Variants in RORA observed in about 807,000 individuals in gnomAD.
The protein encoded by RORA is RAR related orphan receptor A.
Under a neutral mutation model 69.5 loss-of-function variants are expected in RORA, and 7 were observed. The ratio of observed to expected loss-of-function variants is 0.10; its 90% CI spans 0.06 to 0.19. RORA has a LOEUF of 0.19. Among genes scored for constraint, RORA ranks in the 10% least tolerant of loss-of-function variants. The pLI is 1.00. For missense variants in RORA, 457 were observed against 663.0 expected, an observed-to-expected ratio of 0.69 and a Z score of 3.41; for synonymous variants, 261 against 240.8, an observed-to-expected ratio of 1.08 and a Z score of -0.78.
chr15:60,893,588 G>C (rs901990437), intron 1 of RORA, among the ~76,000 whole-genome samples: 1 of 151,964 alleles, frequency 6.6e-6, no homozygotes, highest in Non-Finnish European at 1.5e-5. Flanking sequence ...CGTTTGTCTG[G>C]GTGTGTGTGT....
intron 1 of RORA, among the ~76,000 whole-genome samples, chr15:60,958,337 A>C (rs1290496548): frequency 6.6e-6 from 1 of 152,204 alleles, no homozygotes. Context: ...TTAGGGATTT[A>C]GCAGGCTAAT....
chr15:60,588,029 G>A (rs975363229), intron 2 of RORA, among the ~76,000 whole-genome samples: 2 of 152,174 alleles, frequency 1.3e-5, no homozygotes, highest in Non-Finnish European at 2.9e-5. Flanking sequence ...AAAAGGTTGG[G>A]ATGGAAGGGA....
chr15:60,714,630 G>T (rs1316730972), intron 1 of RORA, among the ~76,000 whole-genome samples: 2 of 152,144 alleles, frequency 1.3e-5, no homozygotes, highest in Admixed American at 6.5e-5. Context: ...CTCCCAAAGT[G>T]CTGGGATTAC....
intron 2 of RORA, among the ~76,000 whole-genome samples, chr15:60,543,066 G>A (rs1050430410): frequency 4.0e-5 from 6 of 149,750 alleles, no homozygotes; most frequent in East Asian, 2.0e-4. Context: ...GAGAACCTGC[G>A]TGACTGGGCA....
chr15:60,900,871 C>A (rs1427525014), intron 1 of RORA, among the ~76,000 whole-genome samples: 3 of 150,580 alleles, frequency 2.0e-5, no homozygotes, highest in African/African-American at 4.9e-5. Flanking sequence ...GACTCCATCT[C>A]AAAAAAAATA....
rs901466926 is a variant in RORA at position 60,488,627 on chromosome 15, C to G, written c.*8828G>C. Reference sequence around the variant, plus strand: ...AGTTGGACGATCCTCTAATAAAGATCATTAGCAAAGTTTTAGTTCAATACT... The same window carrying G: ...AGTTGGACGATCCTCTAATAAAGATGATTAGCAAAGTTTTAGTTCAATACT... On this transcript the variant is annotated 3_prime_UTR_variant, in exon 11 of 11. Transcript: ENST00000335670. 6.6e-6 allele frequency: 1 copy of G among 152,096 alleles called. No individual in the cohort carries two copies. The highest frequency in any genetic ancestry group is 6.5e-5 in the Admixed American group (1 of 15,284). 9.4% of individuals were successfully genotyped at this position (152,096 alleles called of 1,614,324 possible).
chr15:60,990,153 T>C (rs918838986), intron 1 of RORA, among the ~76,000 whole-genome samples: 4 of 152,246 alleles, frequency 2.6e-5, no homozygotes, highest in African/African-American at 9.6e-5. Context: ...AGATCAAATA[T>C]AACTTTTATT....
At position 60,967,330 on chromosome 15, in the gene RORA, AT is replaced by A. The variant is rs1437742732; in HGVS notation, c.166+261722del. Among the ~76,000 whole-genome samples, 5 of 152,324 alleles carry A rather than the reference AT, an allele frequency of 3.3e-5. No homozygotes were observed. The South Asian group carries it at 6.2e-4, about 19-fold the overall frequency. ...ATGTGTTCTTTTTAGCCTCTACTTC[AT>A]TACCCCTACCCCCAAATATTACCAA... On this transcript the variant is annotated intron_variant, in intron 1 of 10. Coordinates refer to ENST00000335670, the MANE Select transcript of RORA (RefSeq NM_134261.3).
In RORA at chr15:61,189,866, A is replaced by AAAC. The variant is rs2079780216; in HGVS notation, c.166+39186_166+39187insGTT. On this transcript the variant is annotated intron_variant, in intron 1 of 10. Transcript: ENST00000335670. The stretch of plus-strand genomic sequence containing the variant: ...AGCGAGACTCTGTCTCAAAAAAAAA[A>AAAC]AAAAAAAAAAAAAAAACCACAGATA... Among the ~76,000 whole-genome samples, 4 of 148,836 alleles carry AAAC rather than the reference A, an allele frequency of 2.7e-5. 1 individual carries two copies. Among genetic ancestry groups the AAAC allele is most frequent in the Admixed American group, 1.3e-4 (2 of 14,978 alleles).
intron 1 of RORA, among the ~76,000 whole-genome samples, chr15:60,911,434 C>T (rs908134574): frequency 2.0e-5 from 3 of 152,078 alleles, no homozygotes; most frequent in Non-Finnish European, 2.9e-5. Flanking sequence ...ACTTTACTGG[C>T]GGACAAAATA....
At chr15:60,648,254 T>C (rs2070087650) in intron 2 of RORA, among the ~76,000 whole-genome samples, 1 of 152,206 alleles carries the variant, frequency 6.6e-6, no homozygotes, top group Non-Finnish European at 1.5e-5. Context: ...TATGAACATA[T>C]TAAAGAAGGT....
intron 1 of RORA, among the ~76,000 whole-genome samples, chr15:60,846,490 A>G (rs1160481806): frequency 6.6e-6 from 1 of 152,120 alleles, no homozygotes; most frequent in Non-Finnish European, 1.5e-5. Context: ...GAAACATTCC[A>G]CCCCTTTTTG....
intron 1 of RORA, among the ~76,000 whole-genome samples, chr15:61,040,142 AT>A (rs1896681456): frequency 5.0e-5 from 6 of 119,200 alleles, no homozygotes; most frequent in East Asian, 5.7e-4. Context: ...ATATATATAT[AT>A]ATATATATAT....
intron 1 of RORA, among the ~76,000 whole-genome samples, chr15:60,990,286 G>A (rs1230944926): frequency 6.6e-6 from 1 of 152,156 alleles, no homozygotes; most frequent in Non-Finnish European, 1.5e-5. Flanking sequence ...TTGAAATTAG[G>A]AAGGCTTTTG....
chr15:60,500,067 C>T, intron 9 of RORA, 63 bp from the exon 10 acceptor site: 1 of 1,030,808 alleles, frequency 9.7e-7, no homozygotes, highest in Non-Finnish European at 1.5e-6. Flanking sequence ...TCCTTCTTCT[C>T]CGGATTCTTT....
chr15:60,606,172 G>A (rs2068941044), intron 2 of RORA, among the ~76,000 whole-genome samples: 1 of 152,334 alleles, frequency 6.6e-6, no homozygotes, highest in Non-Finnish European at 1.5e-5. Flanking sequence ...CTGACTCACA[G>A]CAACCTTCAA....
At chr15:60,956,520 T>C (rs1257811656) in intron 1 of RORA, among the ~76,000 whole-genome samples, 2 of 152,246 alleles carry the variant, frequency 1.3e-5, no homozygotes, top group Non-Finnish European at 2.9e-5. Context: ...ATAGGAGCTT[T>C]GAACCAAACC....
At chr15:61,003,203 T>C (rs1211471906) in intron 1 of RORA, among the ~76,000 whole-genome samples, 1 of 151,942 alleles carries the variant, frequency 6.6e-6, no homozygotes, top group East Asian at 1.9e-4. Context: ...TATCAATCTA[T>C]GTATCCATTA....
chr15:60,809,650 C>G (rs1275265911), intron 1 of RORA, among the ~76,000 whole-genome samples: 1 of 152,094 alleles, frequency 6.6e-6, no homozygotes, highest in Non-Finnish European at 1.5e-5. Flanking sequence ...TTCCTGTTCC[C>G]CATCCTGCCA....
Sources: allele counts gnomAD v4.1 joint callset (sites outside exome capture counted in the v4.1 genomes callset), GRCh38; gene constraint gnomAD v4.1.1; transcripts MANE v1.5; gene names NCBI Gene and HGNC (gene_info 2026-07-23, HGNC 2026-07-21).